ROBO2: variants seen among roughly 807,000 people sequenced by gnomAD.
ROBO2 encodes the protein roundabout homolog 2.
A neutral mutation model predicts 160.8 loss-of-function variants in ROBO2; 53 were observed. That is an observed-to-expected ratio of 0.33 (90% CI 0.26 to 0.41). The LOEUF (loss-of-function observed/expected upper bound fraction) is 0.41. Among genes scored for constraint, ROBO2 ranks in the 10% least tolerant of loss-of-function variants. The pLI, the probability that ROBO2 is intolerant of heterozygous loss-of-function variation, is 1.00. For synonymous variants in ROBO2, 664 were observed against 611.7 expected (o/e 1.09, Z -1.26); for missense variants, 1,577 against 1,722.4 (o/e 0.92, Z 1.49).
rs569324452 is a variant in ROBO2 at position 76,851,464 on chromosome 3, G to A, written c.110-246550G>A. Among the ~76,000 whole-genome samples, 5 of 152,092 alleles carry A rather than the reference G, an allele frequency of 3.3e-5. No homozygotes were observed. The South Asian group carries it at 6.2e-4, about 19-fold the overall frequency. On this transcript the variant is annotated intron_variant, in intron 2 of 26. Coordinates refer to the ROBO2 transcript ENST00000487694. Reference sequence around the variant, plus strand: ...AAAATATTAACATGTGGCCGGGCGCGGTGGCTCACGCCTGTAATCCCAGCA... The same window carrying A: ...AAAATATTAACATGTGGCCGGGCGCAGTGGCTCACGCCTGTAATCCCAGCA...
intron 2 of ROBO2, among the ~76,000 whole-genome samples, chr3:76,563,736 C>T (rs180867185): frequency 6.6e-5 from 10 of 152,178 alleles, no homozygotes; most frequent in Admixed American, 6.5e-4. Flanking sequence ...ACAGTATTAT[C>T]AATTTTTCCA....
chr3:76,215,327 T>G (rs780896569), intron 2 of ROBO2, among the ~76,000 whole-genome samples: 6 of 151,868 alleles, frequency 4.0e-5, no homozygotes, highest in Admixed American at 1.3e-4. Context: ...CTTTGATGGG[T>G]TGAGAGAGGA....
At chr3:76,197,472 C>T (rs1354297856) in intron 2 of ROBO2, among the ~76,000 whole-genome samples, 1 of 151,832 alleles carries the variant, frequency 6.6e-6, no homozygotes, top group African/African-American at 2.4e-5. Flanking sequence ...GTTAACCAAT[C>T]TCTCTATAGA....
chr3:77,150,840 A>T (rs1398370166), intron 2 of ROBO2, among the ~76,000 whole-genome samples: 1 of 152,142 alleles, frequency 6.6e-6, no homozygotes, highest in Non-Finnish European at 1.5e-5. Flanking sequence ...AATGGATGTG[A>T]TTCTATGACA....
intron 2 of ROBO2, among the ~76,000 whole-genome samples, chr3:76,267,231 A>G (rs549033067): frequency 6.6e-6 from 1 of 152,310 alleles, no homozygotes; most frequent in East Asian, 1.9e-4. Context: ...TATTCAAATG[A>G]ACTGTAGAGG....
At chr3:77,317,374 T>A (rs1444140747) in intron 2 of ROBO2, 7 of 985,828 alleles carry the variant, frequency 7.1e-6, no homozygotes, top group Non-Finnish European at 1.1e-5. Context: ...CCTAGTGTAT[T>A]GTCGGGGTTC....
At chr3:77,513,673 A>G (rs150429207) in intron 5 of ROBO2, among the ~76,000 whole-genome samples, 11 of 151,928 alleles carry the variant, frequency 7.2e-5, no homozygotes, top group African/African-American at 2.4e-4. Flanking sequence ...AGCTGAACAG[A>G]TGGTAATGAT....
intron 2 of ROBO2, among the ~76,000 whole-genome samples, chr3:76,403,364 G>T (rs967553704): frequency 1.3e-5 from 2 of 151,482 alleles, no homozygotes; most frequent in African/African-American, 2.4e-5. Context: ...AAAAATATTT[G>T]TCTATGTTAT....
At chr3:77,639,593 T>G (rs77670627) in intron 24 of ROBO2, among the ~76,000 whole-genome samples, 4,647 of 152,180 alleles carry the variant, frequency 0.031, 226 homozygotes, top group East Asian at 0.23. Flanking sequence ...TGAGACTTAT[T>G]TGATAAAAAG....
chr3:77,518,070 G>T (rs2090206572), intron 5 of ROBO2, among the ~76,000 whole-genome samples: 1 of 151,528 alleles, frequency 6.6e-6, no homozygotes, highest in Non-Finnish European at 1.5e-5. Context: ...GTAGGAGAGA[G>T]AGTATACTTT....
At chr3:76,445,833 T>C (rs2077154514) in intron 2 of ROBO2, among the ~76,000 whole-genome samples, 1 of 152,078 alleles carries the variant, frequency 6.6e-6, no homozygotes, top group African/African-American at 2.4e-5. Flanking sequence ...CTGACAAAAT[T>C]CAACAGCCCC....
chr3:77,090,910 A>G (rs1559985592), intron 1 of ROBO2, among the ~76,000 whole-genome samples: 1 of 152,196 alleles, frequency 6.6e-6, no homozygotes, highest in Non-Finnish European at 1.5e-5. Context: ...TTGGGGAACA[A>G]TATTTTGTTA....
chr3:77,053,695 A>C (rs1578558593), intron 1 of ROBO2, among the ~76,000 whole-genome samples: 1 of 152,226 alleles, frequency 6.6e-6, no homozygotes, highest in African/African-American at 2.4e-5. Flanking sequence ...GAAATCACAT[A>C]TAATGATATA....
rs371049212 is a variant in ROBO2 at position 77,240,370 on chromosome 3, G to A, written c.388+142030G>A. ...CTGCCCGGAGCCGTCAGTGCCAGTC[G>A]CCCGCTCCGAGTGGGCCCGCCGAGC... On this transcript the variant is annotated intron_variant, in intron 2 of 25. Transcript: ENST00000461745. Among the ~76,000 whole-genome samples, 114 of 152,214 alleles carry A rather than the reference G, an allele frequency of 7.5e-4. No homozygotes were observed. The South Asian group carries it at 8.3e-3, about 11-fold the overall frequency.
intron 2 of ROBO2, among the ~76,000 whole-genome samples, chr3:76,802,172 G>A (rs573800805): frequency 6.6e-6 from 1 of 152,270 alleles, no homozygotes; most frequent in East Asian, 1.9e-4. Flanking sequence ...GTGAGCACAC[G>A]CTGCTGGAAC....
chr3:76,653,219 T>C (rs888456608), intron 2 of ROBO2, among the ~76,000 whole-genome samples: 2 of 152,010 alleles, frequency 1.3e-5, no homozygotes, highest in East Asian at 1.9e-4. Context: ...AAAACCTATA[T>C]ATTGTCTTCT....
At chr3:77,579,427 A>G (rs1488685716) in intron 15 of ROBO2, among the ~76,000 whole-genome samples, 1 of 152,146 alleles carries the variant, frequency 6.6e-6, no homozygotes. Flanking sequence ...TCATCTTGTT[A>G]ACTACTTCTG....
chr3:77,145,050 A>G (rs1387522802), intron 2 of ROBO2, among the ~76,000 whole-genome samples: 3 of 152,254 alleles, frequency 2.0e-5, no homozygotes, highest in African/African-American at 7.2e-5. Context: ...TTAGTATTAT[A>G]TACAATGAAG....
chr3:76,557,429 C>T (rs771559340), intron 2 of ROBO2, among the ~76,000 whole-genome samples: 1 of 151,616 alleles, frequency 6.6e-6, no homozygotes, highest in Non-Finnish European at 1.5e-5. Flanking sequence ...GTTTCATTCT[C>T]GATGGGCTCA....
Sources: gnomAD v4.1 joint callset for allele counts (sites outside exome capture counted in the v4.1 genomes callset) on GRCh38, gnomAD v4.1.1 for gene constraint, MANE v1.5 for transcripts, NCBI Gene and HGNC (gene_info 2026-07-23, HGNC 2026-07-21) for gene names.